Variants in L3MBTL4 observed in about 807,000 individuals in gnomAD.
The protein encoded by L3MBTL4 is lethal(3)malignant brain tumor-like protein 4.
A neutral mutation model predicts 84.5 loss-of-function variants in L3MBTL4; 70 were observed. The observed-to-expected ratio is 0.83, with a 90% CI of 0.68 to 1.01. The LOEUF is 1.01. Ranked by LOEUF, L3MBTL4 falls within the 50% of genes least tolerant of loss-of-function variation. The pLI, the probability that L3MBTL4 is intolerant of heterozygous loss-of-function variation, is 0.00. For synonymous variants in L3MBTL4, 274 were observed against 259.8 expected (o/e 1.05, Z -0.52); for missense variants, 715 against 754.8 (o/e 0.95, Z 0.62).
chr18:5,959,024 C>A (rs976094400), intron 18 of L3MBTL4, among the ~76,000 whole-genome samples: 1 of 152,170 alleles, frequency 6.6e-6, no homozygotes, highest in African/African-American at 2.4e-5. Context: ...GCCAGGCGAA[C>A]CCCACAGGTA....
At chr18:5,959,987 G>A (rs1353412232) in intron 18 of L3MBTL4, 107 bp downstream of exon 18, 2 of 210,406 alleles carry the variant, frequency 9.5e-6, no homozygotes, top group Admixed American at 1.5e-4. Flanking sequence ...AACACTTCTG[G>A]GTCTAGAAGT....
At chr18:6,184,747 G>A (rs1020561548) in intron 12 of L3MBTL4, among the ~76,000 whole-genome samples, 8 of 152,286 alleles carry the variant, frequency 5.3e-5, no homozygotes, top group South Asian at 4.1e-4. Flanking sequence ...GAGTGCATAC[G>A]TGGAAGGGGC....
chr18:6,097,470 C>A (rs2058678989), intron 14 of L3MBTL4, among the ~76,000 whole-genome samples: 1 of 152,070 alleles, frequency 6.6e-6, no homozygotes, highest in South Asian at 2.1e-4. Flanking sequence ...GAGGCTGGAC[C>A]CCTGCATTTT....
At chr18:6,209,639 C>T (rs1256939557) in intron 12 of L3MBTL4, among the ~76,000 whole-genome samples, 5 of 152,046 alleles carry the variant, frequency 3.3e-5, no homozygotes, top group African/African-American at 4.8e-5. Flanking sequence ...CAATTCCACT[C>T]GTAGTTATAT....
intron 14 of L3MBTL4, among the ~76,000 whole-genome samples, chr18:6,114,297 C>T (rs1440818445): frequency 6.6e-6 from 1 of 152,200 alleles, no homozygotes; most frequent in African/African-American, 2.4e-5. Context: ...AGTTGGCTGA[C>T]TCCACTAATA....
intron 15 of L3MBTL4, among the ~76,000 whole-genome samples, chr18:6,081,917 A>G (rs1401571244): frequency 1.3e-5 from 2 of 152,190 alleles, no homozygotes; most frequent in Non-Finnish European, 2.9e-5. Flanking sequence ...GAAACCGAGA[A>G]AATTTCTATT....
At chr18:6,245,589 T>C (rs2047627588) in intron 5 of L3MBTL4, among the ~76,000 whole-genome samples, 1 of 122,478 alleles carries the variant, frequency 8.2e-6, no homozygotes, top group African/African-American at 4.5e-5. Flanking sequence ...GGTATTTTCC[T>C]TTTTTTTTTT....
In L3MBTL4 at chr18:6,350,295, C is replaced by A. The variant is rs190334287; in HGVS notation, c.-90-38239G>T. On this transcript the variant is annotated intron_variant, in intron 1 of 18. Transcript: ENST00000317931. ...ACGTTTGTGCATAAGAGAACAATAC[C>A]AAGAGAGTGGAAGGCAATCCACCGA... Among the ~76,000 whole-genome samples the A allele has an allele frequency of 1.3e-3, 203 of 152,062 alleles. 1 individual carries two copies. The highest frequency in any genetic ancestry group is 4.7e-3 in the African/African-American group (197 of 41,488).
intron 4 of L3MBTL4, among the ~76,000 whole-genome samples, chr18:6,282,672 G>A (rs1316239624): frequency 6.6e-6 from 1 of 152,142 alleles, no homozygotes; most frequent in African/African-American, 2.4e-5. Flanking sequence ...GCACTGGAAA[G>A]GTTTTAAGCA....
At chr18:6,040,819 C>A (rs1052164557) in intron 16 of L3MBTL4, among the ~76,000 whole-genome samples, 1 of 152,192 alleles carries the variant, frequency 6.6e-6, no homozygotes, top group African/African-American at 2.4e-5. Context: ...TCCTGCCATT[C>A]CCATGGCTGG....
intron 16 of L3MBTL4, among the ~76,000 whole-genome samples, chr18:5,988,447 T>G (rs1172991048): frequency 6.6e-6 from 1 of 152,218 alleles, no homozygotes. Context: ...AAATTATATT[T>G]AGCTTAAGTC....
At chr18:6,072,611 C>T (rs533109932) in intron 16 of L3MBTL4, among the ~76,000 whole-genome samples, 204 of 150,600 alleles carry the variant, frequency 1.4e-3, no homozygotes, top group Non-Finnish European at 2.6e-3. Context: ...GAGGCCGAGG[C>T]GGGTGAATCA....
At chr18:5,998,442 C>T (rs777258128) in intron 16 of L3MBTL4, among the ~76,000 whole-genome samples, 6 of 152,102 alleles carry the variant, frequency 3.9e-5, no homozygotes, top group Admixed American at 6.5e-5. Context: ...CTGAGGACAA[C>T]CTATTTTCCT....
chr18:6,271,368 G>A (rs755529068), intron 4 of L3MBTL4, among the ~76,000 whole-genome samples: 8 of 152,088 alleles, frequency 5.3e-5, no homozygotes, highest in Non-Finnish European at 8.8e-5. Context: ...CAATTTATAA[G>A]TTGTCAATTT....
rs562302047 is a variant in L3MBTL4 at position 6,376,438 on chromosome 18, G to T, written c.-91+38363C>A. On this transcript the variant is annotated intron_variant, in intron 1 of 18. Transcript: ENST00000317931. ...GTTGTCTGTCTATCCTATCTACAGG[G>T]TACATAAAGTAAGGCCCCAGCTGCG... Among the ~76,000 whole-genome samples, 9 of 152,306 alleles carry T rather than the reference G, an allele frequency of 5.9e-5. No homozygotes were observed. In the South Asian group the frequency reaches 1.7e-3, roughly 28 times the overall value.
intron 10 of L3MBTL4, among the ~76,000 whole-genome samples, chr18:6,234,510 A>G (rs1165800173): frequency 6.6e-6 from 1 of 152,246 alleles, no homozygotes; most frequent in Non-Finnish European, 1.5e-5. Context: ...GGCAAAGAAT[A>G]TGAACAGACA....
At position 6,100,035 on chromosome 18, in the gene L3MBTL4, G is replaced by A. The variant is rs142529391; in HGVS notation, c.1200-6507C>T. 8.7e-4 allele frequency among the ~76,000 whole-genome samples: 132 copies of A among 152,180 alleles called. 1 individual carries two copies. The highest frequency in any genetic ancestry group is 2.6e-3 in the African/African-American group (108 of 41,520). On this transcript the variant is annotated intron_variant, in intron 14 of 18. Transcript: ENST00000317931. ...CTACCTAAATTAAGCATTGTAATCC[G>A]TTTAGTATAGTGGTGAAAAGTGTGG...
chr18:6,403,367 T>C (rs980906592), intron 1 of L3MBTL4, among the ~76,000 whole-genome samples: 1 of 152,312 alleles, frequency 6.6e-6, no homozygotes, highest in African/African-American at 2.4e-5. Flanking sequence ...TGGAACCCAA[T>C]GCTGTTCAAT....
chr18:6,154,496 G>A (rs1015483882), intron 13 of L3MBTL4, among the ~76,000 whole-genome samples: 9 of 152,156 alleles, frequency 5.9e-5, no homozygotes, highest in Non-Finnish European at 1.0e-4. Flanking sequence ...GTATGAGCAC[G>A]AGATAGAAGT....
Sources: gnomAD v4.1 joint callset for allele counts (sites outside exome capture counted in the v4.1 genomes callset) on GRCh38, gnomAD v4.1.1 for gene constraint, MANE v1.5 for transcripts, NCBI Gene and HGNC (gene_info 2026-07-23, HGNC 2026-07-21) for gene names.